CDH4: variants seen among roughly 807,000 people sequenced by gnomAD.
The protein encoded by CDH4 is cadherin 4, also known as cadherin-4.
CDH4 carries 33 observed loss-of-function variants against 86.0 expected under a neutral mutation model. The observed-to-expected ratio is 0.38, with a 90% confidence interval of 0.29 to 0.51. The LOEUF (loss-of-function observed/expected upper bound fraction) is 0.51. Among genes scored for constraint, CDH4 ranks in the 20% least tolerant of loss-of-function variants. The pLI, the probability that CDH4 is intolerant of heterozygous loss-of-function variation, is 0.86. For missense variants in CDH4, 1,114 were observed against 1,307.4 expected (o/e 0.85, Z 2.28); for synonymous variants, 555 against 549.4 (o/e 1.01, Z -0.14).
intron 7 of CDH4, among the ~76,000 whole-genome samples, chr20:61,893,517 G>A (rs1000731575): frequency 6.6e-6 from 1 of 150,780 alleles, no homozygotes; most frequent in Non-Finnish European, 1.5e-5. Flanking sequence ...ATGGATAGAT[G>A]GGTGGGCGAA....
At chr20:61,706,722 C>A (rs575990408) in intron 2 of CDH4, among the ~76,000 whole-genome samples, 1 of 152,110 alleles carries the variant, frequency 6.6e-6, no homozygotes, top group Admixed American at 6.5e-5. Flanking sequence ...TGAATTCTCC[C>A]GAGCCCGCTG....
chr20:61,843,098 C>T (rs894505802), intron 4 of CDH4, among the ~76,000 whole-genome samples: 2 of 152,122 alleles, frequency 1.3e-5, no homozygotes, highest in Non-Finnish European at 2.9e-5. Flanking sequence ...AGGCCGAATG[C>T]GGTAGTTCAC....
At chr20:61,721,232 T>C (rs2088037383) in intron 2 of CDH4, among the ~76,000 whole-genome samples, 1 of 152,226 alleles carries the variant, frequency 6.6e-6, no homozygotes, top group African/African-American at 2.4e-5. Context: ...GAGCATGCTT[T>C]GCTCTCTAAG....
intron 2 of CDH4, among the ~76,000 whole-genome samples, chr20:61,462,770 T>A (rs2085451077): frequency 6.6e-6 from 1 of 152,132 alleles, no homozygotes; most frequent in Admixed American, 6.6e-5. Flanking sequence ...TTGCTGGAAA[T>A]ATTTTTGTTG....
intron 2 of CDH4, among the ~76,000 whole-genome samples, chr20:61,576,418 A>C (rs141818626): frequency 5.3e-5 from 8 of 152,226 alleles, no homozygotes; most frequent in African/African-American, 1.9e-4. Context: ...TGACCACCCT[A>C]ACCCCTGGTC....
In CDH4 at chr20:61,895,038, C is replaced by T. The variant is rs369270154; in HGVS notation, c.1179C>T (p.Thr393=). Residue 393 remains threonine (T), a synonymous_variant, in exon 8 of 16, where the codon ACC becomes ACT. Transcript: ENST00000614565. ...TGAATGACAACCCGCCAGAATTTACCGCCAGCACGGTGAGTCCCTCGAAGC... is the reference window on the plus strand; with the variant it reads ...TGAATGACAACCCGCCAGAATTTACTGCCAGCACGGTGAGTCCCTCGAAGC... ...TDVNDNPPEF[T]ASTFAGEVPE... The T allele has an allele frequency of 8.7e-6, 14 of 1,613,724 alleles. No individual in the cohort carries two copies. Among genetic ancestry groups the T allele is most frequent in the South Asian group, 2.2e-5 (2 of 91,070 alleles).
intron 2 of CDH4, among the ~76,000 whole-genome samples, chr20:61,678,028 ATAGG>A (rs957899375): frequency 2.6e-5 from 4 of 152,134 alleles, no homozygotes; most frequent in African/African-American, 4.8e-5. Context: ...AGATGGATAA[ATAGG>A]TAGATAGATG....
At chr20:61,616,031 C>T (rs2086722406) in intron 2 of CDH4, among the ~76,000 whole-genome samples, 1 of 152,240 alleles carries the variant, frequency 6.6e-6, no homozygotes, top group Admixed American at 6.5e-5. Context: ...CGCCTCGTGG[C>T]CACGGGCCCC....
At chr20:61,842,916 G>A (rs990318619) in intron 4 of CDH4, among the ~76,000 whole-genome samples, 19 of 152,248 alleles carry the variant, frequency 1.2e-4, no homozygotes, top group Non-Finnish European at 1.9e-4. Context: ...TATAACAGTC[G>A]CGTTGTTATA....
rs2055201519 is a variant in CDH4, at chr20:61,937,104, A to G, written c.*161A>G. The G allele has an allele frequency of 2.0e-6, 1 of 502,114 alleles. No homozygotes were observed. Among genetic ancestry groups the G allele is most frequent in the Non-Finnish European group, 3.3e-6 (1 of 304,048 alleles). 31.1% of individuals were successfully genotyped at this position (502,114 alleles called of 1,614,324 possible). A position where few individuals can be genotyped will look rare whatever the true frequency, so the allele number is the denominator to read the frequency against. ...GTTGAGCTGTCTAGCATGAGCACCC[A>G]CCCCCACAGCGCCCTGCACCCGGCC... On this transcript the variant is annotated 3_prime_UTR_variant, in exon 16 of 16. Transcript: ENST00000614565.
At chr20:61,321,403 T>G (rs2084507661) in intron 2 of CDH4, among the ~76,000 whole-genome samples, 1 of 152,270 alleles carries the variant, frequency 6.6e-6, no homozygotes, top group Non-Finnish European at 1.5e-5. Flanking sequence ...GCTGGAAATT[T>G]TTTTTTAATT....
At chr20:61,866,159 C>T (rs1983539321) in intron 6 of CDH4, among the ~76,000 whole-genome samples, 1 of 152,140 alleles carries the variant, frequency 6.6e-6, no homozygotes, top group African/African-American at 2.4e-5. Flanking sequence ...CGGTGCCACC[C>T]CCTGGCATGG....
chr20:61,768,159 G>T (rs887656017), intron 3 of CDH4, among the ~76,000 whole-genome samples: 2 of 152,178 alleles, frequency 1.3e-5, no homozygotes, highest in African/African-American at 4.8e-5. Context: ...CTGCTGGGCT[G>T]TTGGTTTTGA....
intron 8 of CDH4, among the ~76,000 whole-genome samples, chr20:61,900,069 C>A (rs943632523): frequency 1.3e-5 from 2 of 152,126 alleles, no homozygotes; most frequent in Non-Finnish European, 2.9e-5. Flanking sequence ...AGAAGGGCAG[C>A]CCCAGCTCTG....
intron 2 of CDH4, among the ~76,000 whole-genome samples, chr20:61,375,820 G>A (rs111220224): frequency 1.6e-4 from 17 of 103,816 alleles, no homozygotes; most frequent in African/African-American, 2.3e-4. Flanking sequence ...TAGTGTGATG[G>A]TCTTGGTGGT....
intron 2 of CDH4, among the ~76,000 whole-genome samples, chr20:61,451,095 T>C (rs1473900592): frequency 6.9e-6 from 1 of 145,974 alleles, no homozygotes; most frequent in African/African-American, 2.5e-5. Context: ...CTCACCAGCT[T>C]TTCTGAGCTT....
chr20:61,294,530 G>T (rs1362570307), intron 2 of CDH4, among the ~76,000 whole-genome samples: 1 of 152,230 alleles, frequency 6.6e-6, no homozygotes, highest in Non-Finnish European at 1.5e-5. Flanking sequence ...TGAGTGGCCC[G>T]GAAAGGCTGC....
At position 61,498,268 on chromosome 20, in the gene CDH4, A is replaced by G. The variant is rs189847838; in HGVS notation, c.169+243331A>G. Among the ~76,000 whole-genome samples, 23 of 152,250 alleles carry G rather than the reference A, an allele frequency of 1.5e-4. No homozygotes were observed. In the East Asian group the frequency reaches 4.4e-3, roughly 29 times the overall value. On this transcript the variant is annotated intron_variant, in intron 2 of 15. Coordinates refer to ENST00000614565, the MANE Select transcript of CDH4 (RefSeq NM_001794.5). ...TCGGATGGGCAAATAAACACACAAG[A>G]CTAGTGAGGTGTTCCCACCGGTTGG...
At position 61,851,811 on chromosome 20, in the gene CDH4, C is replaced by T. The variant is rs537154372; in HGVS notation, c.733-943C>T. ...CCCCTCCTCCGAGAGGCCTCCCTGG[C>T]GGCCACCACACCCACTGATGGCTTC... On this transcript the variant is annotated intron_variant, in intron 5 of 15. Coordinates refer to ENST00000614565, the MANE Select transcript of CDH4 (RefSeq NM_001794.5). 5.9e-5 allele frequency among the ~76,000 whole-genome samples: 9 copies of T among 152,278 alleles called. No homozygotes were observed. The East Asian group carries it at 7.7e-4, about 13-fold the overall frequency.
Sources: gnomAD v4.1 joint callset for allele counts (sites outside exome capture counted in the v4.1 genomes callset) on GRCh38, gnomAD v4.1.1 for gene constraint, MANE v1.5 for transcripts, NCBI Gene and HGNC (gene_info 2026-07-23, HGNC 2026-07-21) for gene names.